DBF4B: variants seen among roughly 807,000 people sequenced by gnomAD.
DBF4B encodes DBF4B-CDC7 kinase regulatory subunit, also known as protein DBF4 homolog B.
A neutral mutation model predicts 53.4 loss-of-function variants in DBF4B; 49 were observed. The ratio of observed to expected loss-of-function variants is 0.92; its 90% CI spans 0.73 to 1.16. DBF4B has a LOEUF of 1.16. Ranked by LOEUF, DBF4B falls within the 50% of genes most tolerant of loss-of-function variation. DBF4B has a pLI of 0.00. For missense variants in DBF4B, 692 were observed against 775.0 expected (o/e 0.89, Z 1.27); for synonymous variants, 257 against 288.7 (o/e 0.89, Z 1.11).
intron 2 of DBF4B, 75 bp downstream of exon 2, chr17:44,709,441 TC>T: frequency 4.7e-6 from 7 of 1,501,980 alleles, no homozygotes; most frequent in Non-Finnish European, 6.5e-6. Context: ...CGAAAAATGT[TC>T]CCCCTGTTGG....
intron 6 of DBF4B, 63 bp from the exon 7 acceptor site, chr17:44,734,027 G>A (rs1338563776): frequency 7.2e-7 from 1 of 1,383,150 alleles, no homozygotes; most frequent in Non-Finnish European, 1.0e-6. Context: ...AGCCCAGGAA[G>A]GGGCTGTGCT....
Position 44,751,525 on chromosome 17 carries a change from C to CTG in DBF4B, c.*273_*274insGT. On this transcript the variant is annotated 3_prime_UTR_variant, in exon 14 of 14. Transcript: ENST00000315005. ...GTCTGTCCCTGGCCCTCCAGCCCACCTCGCCAACCACTCTTGTTGGTTTCC... is the reference window on the plus strand; with the variant it reads ...GTCTGTCCCTGGCCCTCCAGCCCACCTGTCGCCAACCACTCTTGTTGGTTTCC... 2.3e-6 allele frequency: 3 copies of CTG among 1,318,180 alleles called. No homozygotes were observed. Among genetic ancestry groups the CTG allele is most frequent in the South Asian group, 4.3e-5 (2 of 46,826 alleles). The allele number at this position is 1,318,180 out of a possible 1,614,324, so 81.7% of individuals were successfully genotyped here.
intron 6 of DBF4B, chr17:44,732,594 G>A (rs1374351644): frequency 8.3e-6 from 2 of 239,614 alleles, no homozygotes; most frequent in East Asian, 2.3e-4. Flanking sequence ...CTGGCCAGGC[G>A]AGGTGGCTCA....
chr17:44,710,345 G>A (rs947634818), intron 2 of DBF4B, among the ~76,000 whole-genome samples: 4 of 152,024 alleles, frequency 2.6e-5, no homozygotes, highest in African/African-American at 9.7e-5. Flanking sequence ...CTTCAAGAGT[G>A]TTTTCAAAAG....
intron 7 of DBF4B, among the ~76,000 whole-genome samples, chr17:44,735,406 C>T (rs1975296036): frequency 6.6e-6 from 1 of 152,212 alleles, no homozygotes; most frequent in Admixed American, 6.5e-5. Context: ...GGCACAGTGG[C>T]TCACGCCTGT....
In DBF4B at chr17:44,747,194, G is replaced by A; in HGVS notation, c.939+3G>A. On this transcript the variant is annotated splice_donor_region_variant and intron_variant, in intron 11 of 13. Coordinates refer to ENST00000315005, the MANE Select transcript of DBF4B (RefSeq NM_145663.3). ...AGGCCTTCGAGGAGCTCCATGTGGT[G>A]AGCCCCTTCCCCATTAAGCAGCTGC... 9 of 1,613,896 alleles carry A rather than the reference G, an allele frequency of 5.6e-6. No individual in the cohort carries two copies. Among genetic ancestry groups the A allele is most frequent in the Non-Finnish European group, 7.6e-6 (9 of 1,179,940 alleles).
chr17:44,737,669 G>A (rs1282639283), intron 8 of DBF4B, among the ~76,000 whole-genome samples: 4 of 152,158 alleles, frequency 2.6e-5, no homozygotes, highest in African/African-American at 9.6e-5. Flanking sequence ...CCTGGTCACT[G>A]TGGGTCCTGA....
chr17:44,751,159 A>G lies in DBF4B; in HGVS notation c.1754A>G (p.His585Arg), dbSNP rs2049271626. 2 of 1,613,908 alleles carry G rather than the reference A, an allele frequency of 1.2e-6. No individual in the cohort carries two copies. The highest frequency in any genetic ancestry group is 1.7e-6 in the Non-Finnish European group (2 of 1,179,990). Residue 585 changes from histidine (H) to arginine (R), a missense_variant, in exon 14 of 14, where the codon CAT becomes CGT. His to Arg is a conservative substitution (Grantham distance 29). Transcript: ENST00000315005. ...TLAFPSYLND[H>R]DLGHLCQAKP... ...GCCTTCCCCTCCTATCTCAATGATC[A>G]TGACCTTGGACATCTCTGCCAGGCC...
Position 44,750,886 on chromosome 17 carries a change from T to C in DBF4B, c.1481T>C (p.Leu494Pro). ...GCGGACATTCCTGTTAAGGGCCCAC[T>C]CCTCTTCCCTGAAGCCAGACCGTGG... ...APADIPVKGP[L>P]LFPEARPWLM... is the part of the protein sequence containing the mutation. Residue 494 changes from leucine to proline, a missense_variant, in exon 14 of 14, where the codon CTC becomes CCC. Coordinates refer to ENST00000315005, the MANE Select transcript of DBF4B (RefSeq NM_145663.3). 1.2e-6 allele frequency: 2 copies of C among 1,614,164 alleles called. No homozygotes were observed. Among genetic ancestry groups the C allele is most frequent in the Non-Finnish European group, 1.7e-6 (2 of 1,180,012 alleles).
At chr17:44,746,831 AAG>A (rs897555843) in intron 10 of DBF4B, among the ~76,000 whole-genome samples, 5 of 151,548 alleles carry the variant, frequency 3.3e-5, no homozygotes, top group South Asian at 2.1e-4. Flanking sequence ...AAAAAAAAAA[AAG>A]AGAGAGAGGA....
intron 7 of DBF4B, among the ~76,000 whole-genome samples, chr17:44,735,204 T>C (rs1975260152): frequency 6.6e-6 from 1 of 152,214 alleles, no homozygotes; most frequent in Non-Finnish European, 1.5e-5. Flanking sequence ...ATTTGTGTTA[T>C]TCAAAATTCA....
chr17:44,747,430 G>A lies in DBF4B; in HGVS notation c.979G>A (p.Ala327Thr), dbSNP rs755651395. Residue 327 changes from alanine (A) to threonine (T), a missense_variant, in exon 12 of 14, where the codon GCC becomes ACC. Around this residue, in one of 3 missense-constraint regions of DBF4B, gnomAD observed 597 missense variants for 665.8 expected, o/e 0.90. Transcript: ENST00000315005. ...SAQHRSFALE[A>T]HLYAEVDRII... is the part of the protein sequence containing the mutation. ...CCAGCACCGGAGCTTTGCCCTGGAAGCCCATCTATATGCAGAAGTGGACAG... is the reference window on the plus strand; with the variant it reads ...CCAGCACCGGAGCTTTGCCCTGGAAACCCATCTATATGCAGAAGTGGACAG... The A allele has an allele frequency of 1.2e-6, 2 of 1,614,114 alleles. No individual in the cohort carries two copies. The highest frequency in any genetic ancestry group is 1.7e-6 in the Non-Finnish European group (2 of 1,180,032).
chr17:44,710,889 C>T (rs953317880), intron 2 of DBF4B, among the ~76,000 whole-genome samples: 2 of 151,310 alleles, frequency 1.3e-5, no homozygotes, highest in African/African-American at 4.9e-5. Flanking sequence ...TTAGATTATA[C>T]ATTTTTATAT....
intron 2 of DBF4B, among the ~76,000 whole-genome samples, chr17:44,714,084 T>C (rs1973130753): frequency 6.6e-6 from 1 of 152,122 alleles, no homozygotes; most frequent in Non-Finnish European, 1.5e-5. Context: ...GAAAACCAAA[T>C]ACCATTTAGT....
rs1390961767 is a variant in DBF4B, at chr17:44,741,272, G to A, written c.714-64G>A. ...GGGCTGGAATTCTAGGGCATTGGGC[G>A]AGGCCCCCTCCTCAGCCTTTACCTT... On this transcript the variant is annotated intron_variant, in intron 9 of 13. Transcript: ENST00000315005. 8 of 1,202,312 alleles carry A rather than the reference G, an allele frequency of 6.7e-6. No individual in the cohort carries two copies. The East Asian group carries it at 9.4e-5, about 14-fold the overall frequency. The allele number at this position is 1,202,312 out of a possible 1,614,324, so 74.5% of individuals were successfully genotyped here.
Position 44,730,996 on chromosome 17 carries a change from A to T in DBF4B, c.449A>T (p.Gln150Leu). The change falls in exon 5 of 14, where the codon CAG becomes CTG. Residue 150 changes from glutamine (Q) to leucine (L), a missense_variant. By Grantham distance (113) the Gln-to-Leu change is moderately radical (BLOSUM62 -2). Around this residue, in one of 3 missense-constraint regions of DBF4B, gnomAD observed 597 missense variants for 665.8 expected, o/e 0.90. Coordinates refer to ENST00000315005, the MANE Select transcript of DBF4B (RefSeq NM_145663.3). ...VPLSRGKELL[Q>L]KAIRNQGSIS... ...CTAAGCAGAGGGAAGGAGCTGCTGC[A>T]GAAGGCTATCAGAAACCAGGTGAGC... 5 of 1,614,118 alleles carry T rather than the reference A, an allele frequency of 3.1e-6. No individual in the cohort carries two copies. The highest frequency in any genetic ancestry group is 3.4e-6 in the Non-Finnish European group (4 of 1,179,960).
chr17:44,736,453 A>G (rs1202134186), intron 7 of DBF4B, among the ~76,000 whole-genome samples: 3 of 152,162 alleles, frequency 2.0e-5, no homozygotes, highest in Non-Finnish European at 4.4e-5. Flanking sequence ...TAAAGCTGCC[A>G]TTTAGTGAGC....
Position 44,751,834 on chromosome 17 carries a change from C to T in DBF4B, c.*581C>T. The T allele has an allele frequency of 1.3e-6, 2 of 1,534,022 alleles. No individual in the cohort carries two copies. Among genetic ancestry groups the T allele is most frequent in the South Asian group, 1.2e-5 (1 of 83,918 alleles). On this transcript the variant is annotated 3_prime_UTR_variant, in exon 14 of 14. Transcript: ENST00000315005. ...GTTGGTTCCTTTTCTCCTTTCTTTCCTCCTTGAAGCCTGGCTCCCTTGGTC... is the reference window on the plus strand; with the variant it reads ...GTTGGTTCCTTTTCTCCTTTCTTTCTTCCTTGAAGCCTGGCTCCCTTGGTC...
Position 44,708,805 on chromosome 17 carries a change from A to G in DBF4B, c.-16A>G. ...CTGAGGAAGGAGTACGGAGGCCGAG[A>G]AGGAGCCGGCATTTGATGAGCGAAC... On this transcript the variant is annotated 5_prime_UTR_variant, in exon 1 of 14. Coordinates refer to ENST00000315005, the MANE Select transcript of DBF4B (RefSeq NM_145663.3). 1 of 1,551,250 alleles carries G rather than the reference A, an allele frequency of 6.4e-7. No homozygotes were observed. The highest frequency in any genetic ancestry group is 8.7e-7 in the Non-Finnish European group (1 of 1,146,856).
Sources: gnomAD v4.1 joint callset for allele counts (sites outside exome capture counted in the v4.1 genomes callset) on GRCh38, gnomAD v4.1.1 for gene constraint, gnomAD v4.1.1 regional missense constraint, MANE v1.5 for transcripts, NCBI Gene and HGNC (gene_info 2026-07-23, HGNC 2026-07-21) for gene names.